The following TRAFD1 variants were observed in gnomAD, a reference collection of about 807,000 sequenced individuals.
TRAFD1 encodes the protein TRAF-type zinc finger domain containing 1, also known as TRAF-type zinc finger domain-containing protein 1.
In TRAFD1, 38 loss-of-function variants were observed where a neutral mutation model predicts 65.3. That is an observed-to-expected ratio of 0.58 (90% CI 0.45 to 0.76). The LOEUF is 0.76. Ranked by LOEUF, TRAFD1 falls within the 30% of genes least tolerant of loss-of-function variation. TRAFD1 has a pLI of 0.00. For missense variants in TRAFD1, 631 were observed against 712.6 expected, an observed-to-expected ratio of 0.89 and a Z score of 1.30; for synonymous variants, 223 against 257.2, an observed-to-expected ratio of 0.87 and a Z score of 1.27.
At position 112,148,067 on chromosome 12, in the gene TRAFD1, A is replaced by T; in HGVS notation, c.928-7A>T. 6.2e-7 allele frequency: 1 copy of T among 1,602,640 alleles called. No homozygotes were observed. Among genetic ancestry groups the T allele is most frequent in the South Asian group, 1.1e-5 (1 of 89,916 alleles). ...CTTGTTTTTAACCTATATTTTTTGA[A>T]TGACAGACAAGCTGTAACCCTTCAC... On this transcript the variant is annotated splice_region_variant and splice_polypyrimidine_tract_variant and intron_variant, in intron 7 of 11. Transcript: ENST00000412615.
At chr12:112,145,563 T>A in intron 6 of TRAFD1, 23 bp from the exon 7 acceptor site, 1 of 1,613,528 alleles carries the variant, frequency 6.2e-7, no homozygotes, top group Non-Finnish European at 8.5e-7. Flanking sequence ...ATCCTGAGTC[T>A]CATTGTGTGG....
chr12:112,129,492 G>C (rs2091707795), intron 1 of TRAFD1, among the ~76,000 whole-genome samples: 1 of 151,994 alleles, frequency 6.6e-6, no homozygotes, highest in South Asian at 2.1e-4. Flanking sequence ...ATGAGCCCCT[G>C]TGCCTGACTT....
At chr12:112,127,322 A>T (rs1395628325) in intron 1 of TRAFD1, among the ~76,000 whole-genome samples, 1 of 152,184 alleles carries the variant, frequency 6.6e-6, no homozygotes, top group African/African-American at 2.4e-5. Context: ...ATTTGTCAGT[A>T]TACTTTTCCA....
chr12:112,125,593 A>G lies in TRAFD1; in HGVS notation c.-38A>G, dbSNP rs1463089932. 1 of 152,606 alleles carries G rather than the reference A, an allele frequency of 6.6e-6. No individual in the cohort carries two copies. The highest frequency in any genetic ancestry group is 1.5e-5 in the Non-Finnish European group (1 of 68,356). The allele number at this position is 152,606 out of a possible 1,614,324, so 9.5% of individuals were successfully genotyped here. On this transcript the variant is annotated 5_prime_UTR_variant, in exon 1 of 12. Coordinates refer to ENST00000412615, the MANE Select transcript of TRAFD1 (RefSeq NM_006700.3). ...CTCCGTGTCTGCAGCTAGTGTGTCA[A>G]CTCAGCGTTTCTCCTCTCGTCCCTG...
intron 5 of TRAFD1, chr12:112,141,481 C>G (rs2030088555): frequency 2.3e-6 from 1 of 444,298 alleles, no homozygotes; most frequent in Admixed American, 4.0e-5. Flanking sequence ...ATCCAAAATA[C>G]TTGGGGCCAG....
At chr12:112,147,355 C>A (rs1176179121) in intron 7 of TRAFD1, among the ~76,000 whole-genome samples, 1 of 152,120 alleles carries the variant, frequency 6.6e-6, no homozygotes, top group Non-Finnish European at 1.5e-5. Flanking sequence ...TCTGGCATTT[C>A]CACAACTACC....
chr12:112,130,451 C>A lies in TRAFD1; in HGVS notation c.-12-60C>A. 7.2e-7 allele frequency: 1 copy of A among 1,383,792 alleles called. No individual in the cohort carries two copies. Among genetic ancestry groups the A allele is most frequent in the Non-Finnish European group, 1.0e-6 (1 of 983,136 alleles). The allele number at this position is 1,383,792 out of a possible 1,614,324, so 85.7% of individuals were successfully genotyped here. ...TACTAGTTTTTTATTTGTTTTTTTGCATGTCATCTTTAAAGCAGAAATGAA... is the reference window on the plus strand; with the variant it reads ...TACTAGTTTTTTATTTGTTTTTTTGAATGTCATCTTTAAAGCAGAAATGAA... On this transcript the variant is annotated intron_variant, in intron 1 of 11. Transcript: ENST00000412615. This position sits in a 1 kb window ranked among gnomAD's most constrained non-coding sequence, Gnocchi z 4.4.
At chr12:112,150,272 CAG>C (rs2030364361) in intron 9 of TRAFD1, among the ~76,000 whole-genome samples, 1 of 152,058 alleles carries the variant, frequency 6.6e-6, no homozygotes, top group African/African-American at 2.4e-5. Context: ...TTTGTAGAGA[CAG>C]AGTCTTGCTC....
In TRAFD1 at chr12:112,130,224, G is replaced by A. The variant is rs1334565468; in HGVS notation, c.-12-287G>A. On this transcript the variant is annotated intron_variant, in intron 1 of 11. Transcript: ENST00000412615. The surrounding 1 kb of genome is among the most constrained non-coding windows in gnomAD (Gnocchi z 4.4). Reference sequence around the variant, plus strand: ...TGGGCTCAAGTGATCCGCCTGCCTCGGCCTCCCAAAGTACTGAGATTACAG... The same window carrying A: ...TGGGCTCAAGTGATCCGCCTGCCTCAGCCTCCCAAAGTACTGAGATTACAG... 6.6e-6 allele frequency among the ~76,000 whole-genome samples: 1 copy of A among 151,298 alleles called. No homozygotes were observed. The highest frequency in any genetic ancestry group is 2.4e-5 in the African/African-American group (1 of 41,126).
At chr12:112,134,977 C>T in intron 3 of TRAFD1, 36 bp from the exon 4 acceptor site, 2 of 1,614,096 alleles carry the variant, frequency 1.2e-6, no homozygotes, top group Non-Finnish European at 1.7e-6. Flanking sequence ...CATATTGTCC[C>T]AAAGCCAATT....
In TRAFD1 at chr12:112,145,512, A is replaced by G. The variant is rs2030214231; in HGVS notation, c.851-74A>G. On this transcript the variant is annotated intron_variant, in intron 6 of 11. Transcript: ENST00000412615. ...AAGCCAAACTTCTATATAAGACCCCATAAAGAGGATAAAAAGTTAAATTCA... is the reference window on the plus strand; with the variant it reads ...AAGCCAAACTTCTATATAAGACCCCGTAAAGAGGATAAAAAGTTAAATTCA... 10 of 1,466,810 alleles carry G rather than the reference A, an allele frequency of 6.8e-6. No homozygotes were observed. In the South Asian group the frequency reaches 1.2e-4, roughly 17 times the overall value. 90.9% of individuals were successfully genotyped at this position (1,466,810 alleles called of 1,614,324 possible).
chr12:112,146,147 T>C (rs2030235902), intron 7 of TRAFD1, among the ~76,000 whole-genome samples: 1 of 138,096 alleles, frequency 7.2e-6, no homozygotes, highest in South Asian at 2.3e-4. Flanking sequence ...TGTGCACATG[T>C]ACCCTAAAAC....
intron 1 of TRAFD1, among the ~76,000 whole-genome samples, chr12:112,128,518 A>T (rs1953818909): frequency 1.3e-5 from 2 of 152,196 alleles, no homozygotes; most frequent in Non-Finnish European, 2.9e-5. Context: ...CTTGTTTAAA[A>T]AGCAGGAGAA....
In TRAFD1 at chr12:112,152,129, A is replaced by C. The variant is rs1243873386; in HGVS notation, c.1608A>C (p.Arg536Ser). Residue 536 changes from arginine to serine, a missense_variant, in exon 10 of 12, where the codon AGA (arginine) becomes AGC (serine). By Grantham distance (110) the Arg-to-Ser change is moderately radical. Transcript: ENST00000412615. The surrounding 1 kb of genome is among the most constrained non-coding windows in gnomAD (Gnocchi z 5.0). ...VPSFSPGPSG[R>S]YGASGRSEGG... ...CTTTCTCCCCTGGGCCTTCAGGGAG[A>C]TACGGAGCTAGGTAAGAATCAGTAG... 6.2e-7 allele frequency: 1 copy of C among 1,611,640 alleles called. No homozygotes were observed. Among genetic ancestry groups the C allele is most frequent in the East Asian group, 2.2e-5 (1 of 44,832 alleles).
chr12:112,141,302 A>G, intron 5 of TRAFD1, 78 bp downstream of exon 5: 2 of 1,515,428 alleles, frequency 1.3e-6, no homozygotes, highest in South Asian at 1.3e-5. Flanking sequence ...TTGGGGCCAG[A>G]TAGATCTTGA....
intron 7 of TRAFD1, among the ~76,000 whole-genome samples, chr12:112,146,988 T>G (rs1172253415): frequency 2.5e-5 from 2 of 80,966 alleles, no homozygotes; most frequent in South Asian, 5.2e-4. Flanking sequence ...GGAACTTCTG[T>G]TTTTTTTTTT....
rs148272299 is a variant in TRAFD1, at chr12:112,141,122, C to A, written c.541C>A (p.Leu181Met). Residue 181 changes from leucine to methionine, a missense_variant, in exon 5 of 12, where the codon CTG becomes ATG. Physicochemically the swap from Leu to Met is conservative, Grantham distance 15. Coordinates refer to ENST00000412615, the MANE Select transcript of TRAFD1 (RefSeq NM_006700.3). ...TGAGGCTCTGGACCCACCCATGAGG[C>A]TGCCGCGAAGGCCCCTGAGAGCCTT... ...QIEALDPPMR[L>M]PRRPLRAFES... 6.2e-7 allele frequency: 1 copy of A among 1,614,206 alleles called. No homozygotes were observed. The highest frequency in any genetic ancestry group is 1.3e-5 in the African/African-American group (1 of 75,050).
intron 2 of TRAFD1, among the ~76,000 whole-genome samples, chr12:112,132,278 A>AT (rs2079569933): frequency 1.3e-5 from 2 of 151,984 alleles, no homozygotes; most frequent in Admixed American, 6.6e-5. Flanking sequence ...AATGACTTTC[A>AT]TTTTTTACCA....
chr12:112,134,462 G>T (rs2079584887), intron 2 of TRAFD1, among the ~76,000 whole-genome samples: 1 of 151,868 alleles, frequency 6.6e-6, no homozygotes, highest in Non-Finnish European at 1.5e-5. Context: ...CACCATGTTG[G>T]CCAGGTTGGT....
Sources: gnomAD v4.1 joint callset for allele counts (sites outside exome capture counted in the v4.1 genomes callset) on GRCh38, gnomAD v4.1.1 for gene constraint, Gnocchi (gnomAD v3.1) non-coding constraint, MANE v1.5 for transcripts, NCBI Gene and HGNC (gene_info 2026-07-23, HGNC 2026-07-21) for gene names.